The following CASK variants were observed in gnomAD, a reference collection of about 807,000 sequenced individuals.
The protein encoded by CASK is peripheral plasma membrane protein CASK.
CASK carries 4 observed loss-of-function variants against 82.9 expected under a neutral mutation model. The ratio of observed to expected loss-of-function variants is 0.05; its 90% CI spans 0.02 to 0.11. The LOEUF is 0.11. CASK is among the 10% of genes least tolerant of loss of function. CASK has a pLI of 1.00. For missense variants in CASK, 358 were observed against 720.9 expected, an observed-to-expected ratio of 0.50 and a Z score of 5.76; for synonymous variants, 259 against 253.5, an observed-to-expected ratio of 1.02 and a Z score of -0.20.
chrX:41,621,460 T>G (rs903930831), intron 11 of CASK, among the ~76,000 whole-genome samples: 6 of 112,061 alleles, frequency 5.4e-5, no homozygotes, highest in Non-Finnish European at 1.1e-4. Flanking sequence ...CAGCCAGCCC[T>G]GTGAAGAGGA....
At chrX:41,590,405 G>T (rs1014151897) in intron 12 of CASK, among the ~76,000 whole-genome samples, 2 of 105,309 alleles carry the variant, frequency 1.9e-5, no homozygotes, top group Admixed American at 2.1e-4. Context: ...AACTACTCGG[G>T]AGGCTGAGGC....
At position 41,853,712 on chromosome X, in the gene CASK, T is replaced by C. The variant is rs188695221; in HGVS notation, c.60-485A>G. Among the ~76,000 whole-genome samples, 27 of 111,690 alleles carry C rather than the reference T, an allele frequency of 2.4e-4. 1 individual carries two copies. Among genetic ancestry groups the C allele is most frequent in the African/African-American group, 8.5e-4 (26 of 30,732 alleles). On this transcript the variant is annotated intron_variant, in intron 1 of 26. Transcript: ENST00000378163. Reference sequence around the variant, plus strand: ...TTATCTCAAATATCTCTTGAACCTGTCCTCTTCTCTCCATGTCCCACATCC... The same window carrying C: ...TTATCTCAAATATCTCTTGAACCTGCCCTCTTCTCTCCATGTCCCACATCC...
At chrX:41,672,862 A>G (rs1194842488) in intron 5 of CASK, among the ~76,000 whole-genome samples, 1 of 112,432 alleles carries the variant, frequency 8.9e-6, no homozygotes, top group Non-Finnish European at 1.9e-5. Context: ...AGAAGAGTCT[A>G]TGGGAGAGCA....
chrX:41,627,434 G>C (rs908277519), intron 9 of CASK, among the ~76,000 whole-genome samples: 1 of 111,601 alleles, frequency 9.0e-6, no homozygotes, highest in Non-Finnish European at 1.9e-5. Flanking sequence ...ACAGCTTTAG[G>C]GGTACAAGTG....
At chrX:41,806,389 A>C (rs964956039) in intron 2 of CASK, among the ~76,000 whole-genome samples, 73 of 112,154 alleles carry the variant, frequency 6.5e-4, no homozygotes, top group African/African-American at 2.4e-3. Flanking sequence ...ATGGCAAAAA[A>C]ATTTTTACTC....
chrX:41,644,215 G>A (rs2147398577), intron 8 of CASK, among the ~76,000 whole-genome samples: 1 of 111,827 alleles, frequency 8.9e-6, no homozygotes, highest in African/African-American at 3.2e-5. Flanking sequence ...TGTTCATCAG[G>A]GATATTTGTT....
chrX:41,817,484 T>C (rs1016640402), intron 2 of CASK, among the ~76,000 whole-genome samples: 1 of 111,529 alleles, frequency 9.0e-6, no homozygotes, highest in African/African-American at 3.3e-5. Context: ...ATGGAGAAAA[T>C]CAGAGAGAGT....
intron 8 of CASK, among the ~76,000 whole-genome samples, chrX:41,644,981 AGTCCTGTG>A (rs1207032341): frequency 2.7e-5 from 3 of 111,797 alleles, no homozygotes; most frequent in Non-Finnish European, 5.6e-5. Flanking sequence ...AATTCGCCTC[AGTCCTGTG>A]GTCCTGTGAT....
At chrX:41,588,776 G>C (rs758400731) in intron 13 of CASK, among the ~76,000 whole-genome samples, 90 of 110,187 alleles carry the variant, frequency 8.2e-4, no homozygotes, top group Non-Finnish European at 1.5e-3. Context: ...CTAACAATGG[G>C]AGAATTGCTA....
At chrX:41,561,893 G>T (rs1482718294) in intron 16 of CASK, 4 of 323,827 alleles carry the variant, frequency 1.2e-5, no homozygotes, top group Non-Finnish European at 2.2e-5. Context: ...TGAGAGAGGT[G>T]GTATGTATAG....
intron 26 of CASK, among the ~76,000 whole-genome samples, chrX:41,521,010 G>C (rs1162730476): frequency 8.9e-6 from 1 of 112,190 alleles, no homozygotes. Context: ...CAATTGGCGA[G>C]AGGGCTACGG....
intron 8 of CASK, among the ~76,000 whole-genome samples, chrX:41,637,791 G>A (rs2066584591): frequency 9.1e-6 from 1 of 109,729 alleles, no homozygotes; most frequent in Admixed American, 9.7e-5. Context: ...CTACAGGCAA[G>A]TGCCACCATG....
chrX:41,811,931 C>G (rs2147883591), intron 2 of CASK, among the ~76,000 whole-genome samples: 1 of 111,781 alleles, frequency 8.9e-6, no homozygotes, highest in African/African-American at 3.3e-5. Context: ...CACAGAAATA[C>G]AAACTACCAT....
intron 5 of CASK, chrX:41,676,555 C>T: frequency 1.0e-6 from 1 of 993,363 alleles, no homozygotes; most frequent in Non-Finnish European, 1.4e-6. Flanking sequence ...CTGGGTCTAC[C>T]TGGCGGGCGC....
At chrX:41,658,176 C>T (rs751278372) in intron 8 of CASK, among the ~76,000 whole-genome samples, 1 of 111,995 alleles carries the variant, frequency 8.9e-6, no homozygotes, top group Admixed American at 9.5e-5. Flanking sequence ...ATCTCTTTAT[C>T]TATATTCTTT....
chrX:41,595,156 G>A (rs2065801644), intron 12 of CASK, among the ~76,000 whole-genome samples: 1 of 112,543 alleles, frequency 8.9e-6, no homozygotes, highest in East Asian at 2.8e-4. Flanking sequence ...ATTTCAGCTT[G>A]TTTCTTTAGG....
intron 12 of CASK, among the ~76,000 whole-genome samples, chrX:41,595,395 G>A (rs986043404): frequency 4.5e-5 from 5 of 110,983 alleles, no homozygotes; most frequent in African/African-American, 1.6e-4. Flanking sequence ...CTTAAGCCCA[G>A]GAATTCAAGA....
chrX:41,588,338 C>T (rs1051960224), intron 13 of CASK: 17 of 111,553 alleles, frequency 1.5e-4, no homozygotes, highest in African/African-American at 5.5e-4. Context: ...GTATTTCCAC[C>T]TAAGCAGGGT....
At chrX:41,675,452 T>C (rs954493104) in intron 5 of CASK, among the ~76,000 whole-genome samples, 1 of 111,811 alleles carries the variant, frequency 8.9e-6, no homozygotes, top group Non-Finnish European at 1.9e-5. Context: ...GGGAAGCAGT[T>C]TTACCCTGGC....
Sources: gnomAD v4.1 joint callset for allele counts (sites outside exome capture counted in the v4.1 genomes callset) on GRCh38, gnomAD v4.1.1 for gene constraint, MANE v1.5 for transcripts, NCBI Gene and HGNC (gene_info 2026-07-23, HGNC 2026-07-21) for gene names.